The following FHIT variants were observed in gnomAD, a reference collection of about 807,000 sequenced individuals.
The protein encoded by FHIT is bis(5'-adenosyl)-triphosphatase.
In FHIT, 19 loss-of-function variants were observed where a neutral mutation model predicts 17.9. That is an observed-to-expected ratio of 1.06 (90% confidence interval 0.74 to 1.56). The LOEUF (loss-of-function observed/expected upper bound fraction) is 1.56, where lower values mean the gene tolerates loss of function less well. FHIT is among the 40% of genes most tolerant of loss of function. The pLI, the probability that FHIT is intolerant of heterozygous loss-of-function variation, is 0.00. For synonymous variants in FHIT, 81 were observed against 69.7 expected, an observed-to-expected ratio of 1.16 and a Z score of -0.81; for missense variants, 248 against 189.2, an observed-to-expected ratio of 1.31 and a Z score of -1.82.
intron 4 of FHIT, among the ~76,000 whole-genome samples, chr3:60,814,394 T>C (rs1701667404): frequency 6.6e-6 from 1 of 152,124 alleles, no homozygotes; most frequent in Non-Finnish European, 1.5e-5. Context: ...GTGTCTATTG[T>C]TACCATCTTC....
At chr3:60,898,652 T>C (rs1453793234) in intron 3 of FHIT, among the ~76,000 whole-genome samples, 1 of 152,238 alleles carries the variant, frequency 6.6e-6, no homozygotes, top group Non-Finnish European at 1.5e-5. Context: ...AGCTGTCTAT[T>C]GAAATGTCCT....
intron 5 of FHIT, among the ~76,000 whole-genome samples, chr3:60,299,105 G>A (rs1406051444): frequency 6.6e-6 from 1 of 152,026 alleles, no homozygotes; most frequent in Non-Finnish European, 1.5e-5. Flanking sequence ...CACCAAATTG[G>A]GCTGCTGATC....
At chr3:59,971,393 G>C (rs1398910936) in intron 7 of FHIT, among the ~76,000 whole-genome samples, 1 of 152,080 alleles carries the variant, frequency 6.6e-6, no homozygotes, top group East Asian at 1.9e-4. Context: ...TGTGTCCAGA[G>C]ACTGAGGACA....
At chr3:60,705,575 G>A (rs1464594998) in intron 4 of FHIT, among the ~76,000 whole-genome samples, 1 of 152,160 alleles carries the variant, frequency 6.6e-6, no homozygotes, top group Non-Finnish European at 1.5e-5. Context: ...GGATCACTTG[G>A]CTATGGTGGT....
intron 4 of FHIT, among the ~76,000 whole-genome samples, chr3:60,642,100 ATC>A (rs144462626): frequency 1.3e-5 from 2 of 151,664 alleles, no homozygotes; most frequent in Admixed American, 6.6e-5. Flanking sequence ...AACATCCCCC[ATC>A]TCTCTCTCTC....
chr3:59,878,108 T>A lies in FHIT; in HGVS notation c.348+44238A>T, dbSNP rs568727041. On this transcript the variant is annotated intron_variant, in intron 8 of 9. Coordinates refer to ENST00000492590, the MANE Select transcript of FHIT (RefSeq NM_002012.4). ...AATCTGCCTCATATAAATGCAGCCATGAGCACTTCCTCCCCTTTAAAAACT... is the reference window on the plus strand; with the variant it reads ...AATCTGCCTCATATAAATGCAGCCAAGAGCACTTCCTCCCCTTTAAAAACT... Among the ~76,000 whole-genome samples the A allele has an allele frequency of 3.3e-5, 5 of 152,320 alleles. No homozygotes were observed. In the South Asian group the frequency reaches 8.3e-4, roughly 25 times the overall value.
intron 8 of FHIT, among the ~76,000 whole-genome samples, chr3:59,771,508 AC>A (rs1398248176): frequency 6.6e-6 from 1 of 152,040 alleles, no homozygotes; most frequent in African/African-American, 2.4e-5. Context: ...TGAGGGTGAA[AC>A]CCCCCATAGA....
At chr3:60,059,033 G>A in intron 5 of FHIT, among the ~76,000 whole-genome samples, 1 of 152,158 alleles carries the variant, frequency 6.6e-6, no homozygotes, top group East Asian at 1.9e-4. Context: ...GTTACAGTAG[G>A]TAGGTAGTCA....
intron 4 of FHIT, chr3:60,690,313 A>G (rs1244320085): frequency 1.8e-6 from 1 of 563,530 alleles, no homozygotes; most frequent in Non-Finnish European, 3.5e-6. Flanking sequence ...CACAATATCC[A>G]TGCCTTCTTT....
intron 8 of FHIT, among the ~76,000 whole-genome samples, chr3:59,787,412 C>A (rs1699352631): frequency 6.8e-6 from 1 of 146,334 alleles, no homozygotes; most frequent in Non-Finnish European, 1.5e-5. Flanking sequence ...AATGGGAAGT[C>A]ACGTCCTCAT....
Position 60,339,474 on chromosome 3 carries a change from T to A in FHIT, c.103+197386A>T, listed in dbSNP as rs372428061. On this transcript the variant is annotated intron_variant, in intron 5 of 9. Transcript: ENST00000492590. ...CTTCTTGGAATTCTATGCTCACACT[T>A]TGCTCAGCACACATAGGCGTTCTGT... is the stretch of plus-strand genomic sequence containing the variant. Among the ~76,000 whole-genome samples, 4 of 152,178 alleles carry A rather than the reference T, an allele frequency of 2.6e-5. No homozygotes were observed. The South Asian group carries it at 8.3e-4, about 32-fold the overall frequency.
chr3:59,948,953 T>C lies in FHIT; in HGVS notation c.280-26539A>G, dbSNP rs886454706. On this transcript the variant is annotated intron_variant, in intron 7 of 9. Coordinates refer to ENST00000492590, the MANE Select transcript of FHIT (RefSeq NM_002012.4). ...TACCTGAGTAAAGGTAACTACTGTG[T>C]GAAGCTGAGGTTTGGGGGATGAATG... 5.9e-5 allele frequency among the ~76,000 whole-genome samples: 9 copies of C among 152,282 alleles called. No individual in the cohort carries two copies. The South Asian group carries it at 1.9e-3, about 32-fold the overall frequency.
At chr3:60,598,865 C>T (rs143022690) in intron 4 of FHIT, among the ~76,000 whole-genome samples, 1,739 of 152,240 alleles carry the variant, frequency 0.011, 12 homozygotes, top group Middle Eastern at 0.031. Flanking sequence ...TTTTAGCAAA[C>T]ATACTGTTCA....
chr3:60,542,366 T>G (rs1034535092), intron 4 of FHIT, among the ~76,000 whole-genome samples: 3 of 152,222 alleles, frequency 2.0e-5, no homozygotes, highest in African/African-American at 7.2e-5. Flanking sequence ...GATACTTACT[T>G]AGATTTTCTA....
chr3:61,094,644 A>G (rs2035584701), intron 2 of FHIT, among the ~76,000 whole-genome samples: 1 of 152,216 alleles, frequency 6.6e-6, no homozygotes, highest in African/African-American at 2.4e-5. Flanking sequence ...ATAGCTAATG[A>G]TAAAATAGAG....
In FHIT at chr3:60,231,402, A is replaced by T. The variant is rs146339909; in HGVS notation, c.104-217250T>A. 8.2e-3 allele frequency among the ~76,000 whole-genome samples: 1,245 copies of T among 152,300 alleles called. 10 individuals carry two copies. The highest frequency in any genetic ancestry group is 0.028 in the African/African-American group (1,175 of 41,572). Reference sequence around the variant, plus strand: ...GTAACCAACGCCCAGATCCAGAAATACAGTATTACCAACACCTCAGAGTCT... The same window carrying T: ...GTAACCAACGCCCAGATCCAGAAATTCAGTATTACCAACACCTCAGAGTCT... On this transcript the variant is annotated intron_variant, in intron 5 of 9. Transcript: ENST00000492590.
chr3:60,396,776 A>G (rs1386387834), intron 5 of FHIT, among the ~76,000 whole-genome samples: 1 of 152,190 alleles, frequency 6.6e-6, no homozygotes, highest in East Asian at 1.9e-4. Flanking sequence ...ACTTAAAATG[A>G]TTAATTTTCT....
chr3:60,772,887 A>C (rs782743889), intron 4 of FHIT, among the ~76,000 whole-genome samples: 1 of 152,132 alleles, frequency 6.6e-6, no homozygotes, highest in Non-Finnish European at 1.5e-5. Context: ...TCAGTGTAAG[A>C]GGACAGCTTC....
At chr3:60,368,981 G>GT (rs60344820) in intron 5 of FHIT, among the ~76,000 whole-genome samples, 13,633 of 149,496 alleles carry the variant, frequency 0.091, 910 homozygotes, top group East Asian at 0.26. Context: ...TTTTCTCTTT[G>GT]TTTTTTTTTC....
Sources: gnomAD v4.1 joint callset for allele counts (sites outside exome capture counted in the v4.1 genomes callset) on GRCh38, gnomAD v4.1.1 for gene constraint, MANE v1.5 for transcripts, NCBI Gene and HGNC (gene_info 2026-07-23, HGNC 2026-07-21) for gene names.